Variants in BOP1 observed in about 807,000 individuals in gnomAD.
BOP1 encodes the protein BOP1 ribosomal biogenesis factor, also known as ribosome biogenesis protein BOP1.
Under a neutral mutation model 82.9 loss-of-function variants are expected in BOP1, and 54 were observed. The observed-to-expected ratio is 0.65, with a 90% CI of 0.52 to 0.82. The LOEUF (loss-of-function observed/expected upper bound fraction) is 0.82, where lower values mean the gene tolerates loss of function less well. BOP1 is among the 40% of genes least tolerant of loss of function. The pLI is 0.00. For missense variants in BOP1, 1,170 were observed against 1,072.0 expected, an observed-to-expected ratio of 1.09 and a Z score of -1.28; for synonymous variants, 566 against 451.1, an observed-to-expected ratio of 1.25 and a Z score of -3.23.
At chr8:144,286,468 C>T (rs554857354) in intron 2 of BOP1, among the ~76,000 whole-genome samples, 42 of 112,692 alleles carry the variant, frequency 3.7e-4, no homozygotes, top group African/African-American at 1.1e-3. Context: ...ATGGGCGCCA[C>T]GGCAGGGCAG....
At chr8:144,277,206 C>T (rs1845581037) in intron 2 of BOP1, among the ~76,000 whole-genome samples, 1 of 152,250 alleles carries the variant, frequency 6.6e-6, no homozygotes, top group South Asian at 2.1e-4. Context: ...GGGCTCCTCC[C>T]CTGCCTGTTT....
Position 144,264,601 on chromosome 8 carries a change from A to C in BOP1, c.679T>G (p.Phe227Val). The change falls in exon 6 of 16, where the codon TTC becomes GTC. Residue 227 changes from phenylalanine to valine, a missense_variant. By Grantham distance (50) the Phe-to-Val change is conservative. Coordinates refer to ENST00000569669, the MANE Select transcript of BOP1 (RefSeq NM_015201.5). ...GGGTGGATCATGACGTCCCCGCTGA[A>C]GAAGTCGACAGCCGGCTGGGGGAGA... ...FNPYEPAVDF[F>V]SGDVMIHPVT... 1 of 1,602,136 alleles carries C rather than the reference A, an allele frequency of 6.2e-7. No homozygotes were observed. Among genetic ancestry groups the C allele is most frequent in the Non-Finnish European group, 8.5e-7 (1 of 1,174,578 alleles).
At chr8:144,277,206 C>G (rs1845581037) in intron 2 of BOP1, among the ~76,000 whole-genome samples, 1 of 152,134 alleles carries the variant, frequency 6.6e-6, no homozygotes, top group Admixed American at 6.5e-5. Flanking sequence ...GGGCTCCTCC[C>G]CTGCCTGTTT....
Position 144,264,320 on chromosome 8 carries a change from G to T in BOP1, c.883C>A (p.Arg295Ser), listed in dbSNP as rs982920247. The change falls in exon 7 of 16, where the codon CGC becomes AGC. Residue 295 changes from arginine to serine, a missense_variant. Coordinates refer to ENST00000569669, the MANE Select transcript of BOP1 (RefSeq NM_015201.5). Reference sequence around the variant, plus strand: ...GGAGCAGGTACGTGCATCTTGTGGCGCCCGAGCACGGCGTTGGGGTCCTCC... The same window carrying T: ...GGAGCAGGTACGTGCATCTTGTGGCTCCCGAGCACGGCGTTGGGGTCCTCC... ...AQEDPNAVLGRHKMHVPAPKL... is the reference protein window; with the variant it reads ...AQEDPNAVLGSHKMHVPAPKL... 7 of 1,609,920 alleles carry T rather than the reference G, an allele frequency of 4.3e-6. No individual in the cohort carries two copies. Among genetic ancestry groups the T allele is most frequent in the Non-Finnish European group, 4.2e-6 (5 of 1,179,574 alleles).
intron 5 of BOP1, 21 bp from the exon 6 acceptor site, chr8:144,264,637 G>T (rs956461192): frequency 1.9e-6 from 3 of 1,578,270 alleles, no homozygotes; most frequent in South Asian, 1.1e-5. Flanking sequence ...AGATGTGGGC[G>T]TGTGGGCCAG....
At chr8:144,289,774 G>A (rs1397025549) in intron 1 of BOP1, among the ~76,000 whole-genome samples, 1 of 152,196 alleles carries the variant, frequency 6.6e-6, no homozygotes, top group Non-Finnish European at 1.5e-5. Flanking sequence ...AAGGGGCTGG[G>A]GGCTGGAAGA....
intron 2 of BOP1, among the ~76,000 whole-genome samples, chr8:144,278,820 G>A (rs191316701): frequency 4.6e-4 from 70 of 152,204 alleles, no homozygotes; most frequent in Non-Finnish European, 6.2e-4. Flanking sequence ...GCTCTGTGCC[G>A]ATGGCTCGTG....
At chr8:144,274,938 G>A (rs1172001737) in intron 3 of BOP1, among the ~76,000 whole-genome samples, 1 of 152,232 alleles carries the variant, frequency 6.6e-6, no homozygotes, top group African/African-American at 2.4e-5. Flanking sequence ...GACAGGCAGG[G>A]AGTGCGCGGC....
At chr8:144,269,361 C>T (rs1459913970) in intron 3 of BOP1, among the ~76,000 whole-genome samples, 4 of 152,160 alleles carry the variant, frequency 2.6e-5, no homozygotes, top group African/African-American at 7.2e-5. Context: ...GGGCGGCGGC[C>T]GGCCCCAGTT....
chr8:144,290,227 A>G (rs1445624506), intron 1 of BOP1, among the ~76,000 whole-genome samples: 1 of 151,140 alleles, frequency 6.6e-6, no homozygotes, highest in Non-Finnish European at 1.5e-5. Flanking sequence ...GGTGGCGGGC[A>G]CCTCTAATCC....
At position 144,264,259 on chromosome 8, in the gene BOP1, T is replaced by A. The variant is rs1444783635; in HGVS notation, c.944A>T (p.Asn315Ile). 6.2e-7 allele frequency: 1 copy of A among 1,610,504 alleles called. No individual in the cohort carries two copies. The highest frequency in any genetic ancestry group is 8.5e-7 in the Non-Finnish European group (1 of 1,179,388). The change falls in exon 7 of 16, where the codon AAC becomes ATC. Residue 315 changes from asparagine to isoleucine, a missense_variant. Physicochemically the swap from Asn to Ile is moderately radical, Grantham distance 149 (BLOSUM62 -3). Transcript: ENST00000569669. ...GCTGAGCAGGTATTCAGGGGGTGGG[T>A]TGTACGACTCGGCGTGGCCTGGCAG... ...LALPGHAESY[N>I]PPPEYLLSEE... is the part of the protein sequence containing the mutation.
chr8:144,287,006 C>T (rs782493940), intron 2 of BOP1, among the ~76,000 whole-genome samples: 3 of 152,176 alleles, frequency 2.0e-5, no homozygotes, highest in Admixed American at 6.5e-5. Context: ...TGTTATTATG[C>T]GAAAACATTG....
rs1035296430 is a variant in BOP1 at position 144,264,598 on chromosome 8, T to G, written c.682A>C (p.Ser228Arg). The G allele has an allele frequency of 2.9e-4, 465 of 1,604,002 alleles. No individual in the cohort carries two copies. The highest frequency in any genetic ancestry group is 2.7e-4 in the Non-Finnish European group (314 of 1,175,670). The stretch of plus-strand genomic sequence containing the variant: ...ACCGGGTGGATCATGACGTCCCCGC[T>G]GAAGAAGTCGACAGCCGGCTGGGGG... ...NPYEPAVDFF[S>R]GDVMIHPVTN... The change falls in exon 6 of 16, where the codon AGC (serine) becomes CGC (arginine). Residue 228 changes from serine to arginine, a missense_variant. Transcript: ENST00000569669.
At chr8:144,268,010 G>A in intron 3 of BOP1, 2 of 1,538,370 alleles carry the variant, frequency 1.3e-6, no homozygotes, top group East Asian at 2.4e-5. Flanking sequence ...CCTTGGCGCT[G>A]GCCACCTGAG....
intron 3 of BOP1, among the ~76,000 whole-genome samples, chr8:144,272,616 C>T (rs1845508819): frequency 2.0e-5 from 3 of 152,152 alleles, no homozygotes; most frequent in African/African-American, 7.2e-5. Context: ...ACACTGGCCC[C>T]GAGTGGGCAC....
chr8:144,270,280 A>C (rs571534222), intron 3 of BOP1, among the ~76,000 whole-genome samples: 1 of 152,260 alleles, frequency 6.6e-6, no homozygotes, highest in African/African-American at 2.4e-5. Flanking sequence ...AGGTCTGGGC[A>C]GGGTCAAGAG....
At chr8:144,262,554 T>C in intron 14 of BOP1, 34 bp downstream of exon 14, 2 of 1,612,520 alleles carry the variant, frequency 1.2e-6, no homozygotes, top group Non-Finnish European at 1.7e-6. Flanking sequence ...AGGGAGGGGC[T>C]CTGCTGGCCG....
At chr8:144,281,406 C>T (rs71515606) in intron 2 of BOP1, among the ~76,000 whole-genome samples, 3 of 1,484 alleles carry the variant, frequency 2.0e-3, no homozygotes, top group Admixed American at 0.019. Context: ...ACCAGGTCTT[C>T]GGCCTTCTCT....
chr8:144,276,091 G>C, intron 3 of BOP1, 133 bp downstream of exon 3: 1 of 1,051,168 alleles, frequency 9.5e-7, no homozygotes, highest in South Asian at 1.3e-5. Flanking sequence ...CGTGGGCCTC[G>C]GCTCCAACAG....
Sources: allele counts gnomAD v4.1 joint callset (sites outside exome capture counted in the v4.1 genomes callset), GRCh38; gene constraint gnomAD v4.1.1; transcripts MANE v1.5; gene names NCBI Gene and HGNC (gene_info 2026-07-23, HGNC 2026-07-21).